Variants in SLC4A5 observed in about 807,000 individuals in gnomAD.
SLC4A5 encodes electrogenic sodium bicarbonate cotransporter 4.
Under a neutral mutation model 120.4 loss-of-function variants are expected in SLC4A5, and 96 were observed. The ratio of observed to expected loss-of-function variants is 0.80; its 90% CI spans 0.68 to 0.94. The LOEUF is 0.94. Ranked by LOEUF, SLC4A5 falls within the 40% of genes least tolerant of loss-of-function variation. The pLI, the probability that SLC4A5 is intolerant of heterozygous loss-of-function variation, is 0.00. For missense variants in SLC4A5, 1,259 were observed against 1,459.5 expected, an observed-to-expected ratio of 0.86 and a Z score of 2.24; for synonymous variants, 550 against 571.1, an observed-to-expected ratio of 0.96 and a Z score of 0.53.
chr2:74,300,336 T>C (rs1390987263), intron 7 of SLC4A5, among the ~76,000 whole-genome samples: 2 of 152,308 alleles, frequency 1.3e-5, no homozygotes, highest in East Asian at 3.9e-4. Context: ...TAAGTGTTCT[T>C]ACCATACACT....
chr2:74,297,429 A>C (rs1048496231), intron 7 of SLC4A5, among the ~76,000 whole-genome samples: 40 of 152,194 alleles, frequency 2.6e-4, no homozygotes, highest in African/African-American at 8.9e-4. Flanking sequence ...TCCTGGGCAG[A>C]CTGAAACAAT....
At chr2:74,233,498 T>C (rs992354974) in exon 23 of SLC4A5, 1 of 1,614,152 alleles carries the variant, frequency 6.2e-7, no homozygotes, top group African/African-American at 1.3e-5. Flanking sequence ...GGATGCTTGC[T>C]GGGTATACCC....
rs1670766174 is a variant in SLC4A5, at chr2:74,250,769, G to T, written c.1479-252C>A. On this transcript the variant is annotated intron_variant, in intron 16 of 30. Transcript: ENST00000394019. ...GAGAGGGAAAGTCTGATGGGAATATGTCCTGGGGTAGACCTAACATTCCAT... is the reference window on the plus strand; with the variant it reads ...GAGAGGGAAAGTCTGATGGGAATATTTCCTGGGGTAGACCTAACATTCCAT... 1.1e-5 allele frequency: 5 copies of T among 445,540 alleles called. No homozygotes were observed. In the East Asian group the frequency reaches 2.0e-4, roughly 18 times the overall value. The allele number at this position is 445,540 out of a possible 1,614,324, so 27.6% of individuals were successfully genotyped here. A position where few individuals can be genotyped will look rare whatever the true frequency, so the allele number is the denominator to read the frequency against.
chr2:74,219,064 G>A (rs936821001), intron 30 of SLC4A5, among the ~76,000 whole-genome samples: 1 of 152,126 alleles, frequency 6.6e-6, no homozygotes, highest in African/African-American at 2.4e-5. Flanking sequence ...GCTCCTTAGT[G>A]TGAGAAGACA....
rs781413162 is a variant in SLC4A5 at position 74,239,463 on chromosome 2, GC to G, written c.2190del (p.Arg731AlafsTer27). The G allele has an allele frequency of 5.6e-6, 9 of 1,613,316 alleles. No individual in the cohort carries two copies. The highest frequency in any genetic ancestry group is 7.6e-6 in the Non-Finnish European group (9 of 1,179,916). ...AACTTGCAGGAATTCCCAAGCAGGC[GC>G]CCGCCGTAGCTCAGACACTCCTTCT... On this transcript the variant is annotated frameshift_variant, in exon 21 of 31. Transcript: ENST00000394019. LOFTEE classifies it high-confidence loss of function.
intron 7 of SLC4A5, among the ~76,000 whole-genome samples, chr2:74,301,990 C>G (rs1237282377): frequency 1.3e-5 from 2 of 152,070 alleles, no homozygotes; most frequent in Non-Finnish European, 2.9e-5. Flanking sequence ...GATGGAACAG[C>G]AAAATTTGGG....
intron 30 of SLC4A5, among the ~76,000 whole-genome samples, chr2:74,219,938 G>A (rs935679485): frequency 6.6e-5 from 10 of 152,122 alleles, no homozygotes; most frequent in South Asian, 2.1e-4. Flanking sequence ...AAAGTGTGTC[G>A]TTTCACCCTG....
In SLC4A5 at chr2:74,265,320, C is replaced by T; in HGVS notation, c.402-56G>A. On this transcript the variant is annotated intron_variant, in intron 8 of 30. Coordinates refer to ENST00000394019, the Ensembl canonical transcript of SLC4A5. ...CCAGGGCCCTCAGGAGGAGGCCTCA[C>T]CTGGGTCTCCCCAAAAGAGGGGTGT... 6 of 1,578,172 alleles carry T rather than the reference C, an allele frequency of 3.8e-6. No individual in the cohort carries two copies. In the East Asian group the frequency reaches 1.1e-4, roughly 30 times the overall value.
At chr2:74,225,858 G>A (rs1294841232) in intron 27 of SLC4A5, among the ~76,000 whole-genome samples, 1 of 152,088 alleles carries the variant, frequency 6.6e-6, no homozygotes, top group Admixed American at 6.6e-5. Flanking sequence ...GCCCTATCTG[G>A]CTGTGTGTCC....
At chr2:74,220,136 T>C (rs1694578227) in intron 30 of SLC4A5, among the ~76,000 whole-genome samples, 1 of 152,238 alleles carries the variant, frequency 6.6e-6, no homozygotes, top group South Asian at 2.1e-4. Context: ...GCCCCTGGCA[T>C]CTTCCCAAGT....
At chr2:74,290,551 TGA>T (rs1672126729) in intron 7 of SLC4A5, 3 of 983,672 alleles carry the variant, frequency 3.0e-6, no homozygotes, top group South Asian at 9.4e-5. Flanking sequence ...CAAAAGTGTT[TGA>T]GAGAGAAAAG....
At chr2:74,231,237 T>A in exon 25 of SLC4A5, 1 of 1,611,232 alleles carries the variant, frequency 6.2e-7, no homozygotes, top group Non-Finnish European at 8.5e-7. Flanking sequence ...GGACCTCACC[T>A]TTAGGATGGG....
chr2:74,322,064 A>G (rs921091535), intron 5 of SLC4A5, among the ~76,000 whole-genome samples: 1 of 152,142 alleles, frequency 6.6e-6, no homozygotes, highest in Non-Finnish European at 1.5e-5. Flanking sequence ...TCTTGCAACA[A>G]TGAGGTGACA....
chr2:74,310,957 T>G (rs560785452), intron 6 of SLC4A5, among the ~76,000 whole-genome samples: 12 of 150,928 alleles, frequency 8.0e-5, no homozygotes, highest in African/African-American at 2.5e-4. Context: ...TTTGGTAAGT[T>G]GTTAATTATT....
exon 21 of SLC4A5, chr2:74,239,417 A>G: frequency 1.2e-6 from 2 of 1,614,240 alleles, no homozygotes; most frequent in African/African-American, 2.7e-5. Context: ...GATGAAGGAC[A>G]TGAGCGCCAG....
intron 16 of SLC4A5, among the ~76,000 whole-genome samples, chr2:74,251,799 G>C (rs969138796): frequency 6.6e-6 from 1 of 152,192 alleles, no homozygotes; most frequent in Non-Finnish European, 1.5e-5. Context: ...GATTCCACCT[G>C]GAGCCTCAGG....
At chr2:74,334,263 G>T (rs1198038176) in intron 3 of SLC4A5, 86 bp from the exon 4 acceptor site, 2 of 152,228 alleles carry the variant, frequency 1.3e-5, no homozygotes, top group Non-Finnish European at 2.9e-5. Context: ...TGCTGTGGAG[G>T]AGTTCTCTTT....
rs575728993 is a variant in SLC4A5 at position 74,254,881 on chromosome 2, G to A, written c.1026-175C>T. ...CCCAGGCTGCATGGAGTGCAGTGGCGCAATCTTGGCTCACTGCAACCTCCA... is the reference window on the plus strand; with the variant it reads ...CCCAGGCTGCATGGAGTGCAGTGGCACAATCTTGGCTCACTGCAACCTCCA... On this transcript the variant is annotated intron_variant, in intron 13 of 30. Transcript: ENST00000394019. Among the ~76,000 whole-genome samples, 33 of 151,232 alleles carry A rather than the reference G, an allele frequency of 2.2e-4. 1 individual carries two copies. The highest frequency in any genetic ancestry group is 1.4e-3 in the Admixed American group (21 of 15,176).
chr2:74,277,940 A>C (rs1330609191), intron 8 of SLC4A5, among the ~76,000 whole-genome samples: 1 of 152,120 alleles, frequency 6.6e-6, no homozygotes, highest in African/African-American at 2.4e-5. Flanking sequence ...CCCCAAAAGC[A>C]AACAAAAAAA....
Sources: gnomAD v4.1 joint callset for allele counts (sites outside exome capture counted in the v4.1 genomes callset) on GRCh38, gnomAD v4.1.1 for gene constraint, MANE v1.5 for transcripts, NCBI Gene and HGNC (gene_info 2026-07-23, HGNC 2026-07-21) for gene names.